Variants in UTRN observed in about 807,000 individuals in gnomAD.
The protein encoded by UTRN is dystrophin-related protein 1.
UTRN carries 283 observed loss-of-function variants against 463.9 expected under a neutral mutation model. The ratio of observed to expected loss-of-function variants is 0.61; its 90% confidence interval spans 0.55 to 0.67. The LOEUF is 0.67. Ranked by LOEUF, UTRN falls within the 30% of genes least tolerant of loss-of-function variation. UTRN has a pLI of 0.00. For missense variants in UTRN, 3,922 were observed against 4,084.3 expected (o/e 0.96, Z 1.08); for synonymous variants, 1,442 against 1,431.5 (o/e 1.01, Z -0.17).
chr6:144,526,765 T>C (rs1346580615), intron 41 of UTRN, among the ~76,000 whole-genome samples: 1 of 151,960 alleles, frequency 6.6e-6, no homozygotes, highest in Admixed American at 6.6e-5. Flanking sequence ...TTTTTTTCAT[T>C]TTGTTATTGT....
rs57694055 is a variant in UTRN at position 144,456,653 on chromosome 6, AAATAATAATAAT to A, written c.2285-2084_2285-2073del. 5.8e-3 allele frequency among the ~76,000 whole-genome samples: 814 copies of A among 140,574 alleles called. 6 individuals are homozygous for A. The highest frequency in any genetic ancestry group is 0.018 in the African/African-American group (683 of 38,050). 92.2% of individuals were successfully genotyped at this position (140,574 alleles called of 152,430 possible). A position where few individuals can be genotyped will look rare whatever the true frequency, so the allele number is the denominator to read the frequency against. ...GGTGACAGAGCAAGACTCTGTCTCA[AAATAATAATAAT>A]AATAATAATAATAATAATAATAATA... On this transcript the variant is annotated intron_variant, in intron 19 of 74. Coordinates refer to ENST00000367545, the MANE Select transcript of UTRN (RefSeq NM_007124.3).
At chr6:144,382,068 A>G (rs570376963) in intron 2 of UTRN, among the ~76,000 whole-genome samples, 84 of 152,226 alleles carry the variant, frequency 5.5e-4, no homozygotes, top group Admixed American at 1.2e-3. Context: ...TGAAATTTAT[A>G]TCATTGTGTT....
intron 13 of UTRN, among the ~76,000 whole-genome samples, chr6:144,442,439 A>G (rs1253972444): frequency 6.6e-6 from 1 of 152,084 alleles, no homozygotes; most frequent in Admixed American, 6.5e-5. Context: ...ACCCCACTCT[A>G]CTGGTACCGA....
At chr6:144,368,452 G>C (rs1018913089) in intron 2 of UTRN, among the ~76,000 whole-genome samples, 1 of 152,156 alleles carries the variant, frequency 6.6e-6, no homozygotes, top group African/African-American at 2.4e-5. Flanking sequence ...CCTTAGGAAA[G>C]AGAAACATAT....
chr6:144,512,387 G>A (rs961251251), intron 35 of UTRN, among the ~76,000 whole-genome samples: 1 of 151,968 alleles, frequency 6.6e-6, no homozygotes, highest in Non-Finnish European at 1.5e-5. Flanking sequence ...TGCTTAATAG[G>A]GGTAAACAAG....
rs145566313 is a variant in UTRN at position 144,335,988 on chromosome 6, C to T, written c.79+44081C>T. Among the ~76,000 whole-genome samples, 16 of 152,158 alleles carry T rather than the reference C, an allele frequency of 1.1e-4. No homozygotes were observed. In the East Asian group the frequency reaches 3.1e-3, roughly 29 times the overall value. Reference sequence around the variant, plus strand: ...GGACACATGAGAGTGGGTGGGTGTGCCCATAGTTTAGACAGGACTATCTTT... The same window carrying T: ...GGACACATGAGAGTGGGTGGGTGTGTCCATAGTTTAGACAGGACTATCTTT... On this transcript the variant is annotated intron_variant, in intron 2 of 74. Coordinates refer to ENST00000367545, the MANE Select transcript of UTRN (RefSeq NM_007124.3).
At chr6:144,504,973 CT>C (rs1794574604) in intron 34 of UTRN, among the ~76,000 whole-genome samples, 1 of 152,160 alleles carries the variant, frequency 6.6e-6, no homozygotes, top group Admixed American at 6.5e-5. Flanking sequence ...CAACTTCTTC[CT>C]GGTTTAGTCT....
intron 51 of UTRN, among the ~76,000 whole-genome samples, chr6:144,648,623 A>G (rs1413498579): frequency 6.6e-6 from 1 of 152,192 alleles, no homozygotes; most frequent in Admixed American, 6.5e-5. Context: ...CCTGGGGGCA[A>G]TTTATGAGTT....
chr6:144,437,867 G>A (rs955683416), intron 11 of UTRN, 121 bp downstream of exon 11: 1 of 1,008,896 alleles, frequency 9.9e-7, no homozygotes, highest in Non-Finnish European at 1.4e-6. Context: ...GGAAAAGTAA[G>A]ACTCTTTTCT....
chr6:144,418,944 A>G (rs1274101500), intron 3 of UTRN, among the ~76,000 whole-genome samples: 1 of 152,176 alleles, frequency 6.6e-6, no homozygotes, highest in African/African-American at 2.4e-5. Context: ...TGCCCTTGCC[A>G]TCATCAGTAT....
intron 13 of UTRN, 44 bp from the exon 14 acceptor site, chr6:144,444,237 C>T (rs750792913): frequency 4.7e-6 from 7 of 1,476,428 alleles, no homozygotes; most frequent in Admixed American, 1.8e-5. Context: ...TGATAACTCT[C>T]TCTTAAGGCT....
chr6:144,828,398 G>T (rs1780375287), intron 68 of UTRN, among the ~76,000 whole-genome samples: 1 of 152,182 alleles, frequency 6.6e-6, no homozygotes, highest in South Asian at 2.1e-4. Context: ...AGCCACTGAA[G>T]AGTTGGATCA....
In UTRN at chr6:144,797,974, C is replaced by A. The variant is rs748403669; in HGVS notation, c.9229C>A (p.Pro3077Thr). The change falls in exon 64 of 75, where the codon CCA (proline) becomes ACA (threonine). Residue 3077 changes from proline to threonine, a missense_variant. This residue lies in a region of UTRN where 1,309 missense variants were observed against 1,452.6 expected (regional missense o/e 0.90). Transcript: ENST00000367545. ...QAKCNICKEC[P>T]IVGFRYRSLK... ...CAAATGCAACATCTGTAAAGAATGTCCAATTGTCGGGTTCAGGTAAGGCGT... is the reference window on the plus strand; with the variant it reads ...CAAATGCAACATCTGTAAAGAATGTACAATTGTCGGGTTCAGGTAAGGCGT... 13 of 1,614,020 alleles carry A rather than the reference C, an allele frequency of 8.1e-6. No homozygotes were observed. Among genetic ancestry groups the A allele is most frequent in the Non-Finnish European group, 1.1e-5 (13 of 1,179,968 alleles).
chr6:144,699,439 C>CA (rs112944311), intron 52 of UTRN, among the ~76,000 whole-genome samples: 6,023 of 57,202 alleles, frequency 0.11, 245 homozygotes, highest in African/African-American at 0.19. Flanking sequence ...TACTCTGTCT[C>CA]AAAAAAAAAA....
At chr6:144,315,062 C>G (rs1178437642) in intron 2 of UTRN, among the ~76,000 whole-genome samples, 1 of 151,974 alleles carries the variant, frequency 6.6e-6, no homozygotes, top group Admixed American at 6.6e-5. Context: ...CAAACAGAGG[C>G]CAGGACCCAG....
intron 18 of UTRN, among the ~76,000 whole-genome samples, chr6:144,453,117 AT>A (rs1010540834): frequency 4.6e-5 from 7 of 151,818 alleles, no homozygotes; most frequent in African/African-American, 1.5e-4. Context: ...ATTTCTATCC[AT>A]TTTTTCTGTT....
Position 144,554,953 on chromosome 6 carries a change from T to A in UTRN, c.7134+60T>A, listed in dbSNP as rs147562357. ...TTTGTTGGATATACTTTTTTTCTATTGTTCACTGTAATTCTTAACAATAGG... is the reference window on the plus strand; with the variant it reads ...TTTGTTGGATATACTTTTTTTCTATAGTTCACTGTAATTCTTAACAATAGG... On this transcript the variant is annotated intron_variant, in intron 49 of 74. Coordinates refer to ENST00000367545, the MANE Select transcript of UTRN (RefSeq NM_007124.3). 21 of 1,557,750 alleles carry A rather than the reference T, an allele frequency of 1.3e-5. No homozygotes were observed. In the African/African-American group the frequency reaches 2.6e-4, roughly 19 times the overall value.
intron 33 of UTRN, among the ~76,000 whole-genome samples, chr6:144,495,482 C>T (rs1268959838): frequency 6.6e-6 from 1 of 152,228 alleles, no homozygotes; most frequent in Non-Finnish European, 1.5e-5. Context: ...CCAGCTGGCC[C>T]ACAAGCGTGG....
intron 2 of UTRN, among the ~76,000 whole-genome samples, chr6:144,355,440 A>T (rs1778465328): frequency 6.6e-6 from 1 of 152,098 alleles, no homozygotes; most frequent in Admixed American, 6.6e-5. Context: ...CTCAAGTGAT[A>T]TACCTGCCTC....
Sources: gnomAD v4.1 joint callset for allele counts (sites outside exome capture counted in the v4.1 genomes callset) on GRCh38, gnomAD v4.1.1 for gene constraint, gnomAD v4.1.1 regional missense constraint, MANE v1.5 for transcripts, NCBI Gene and HGNC (gene_info 2026-07-23, HGNC 2026-07-21) for gene names.